Variants in SH3BGR observed in about 807,000 individuals in gnomAD.
SH3BGR encodes SH3 domain-binding glutamic acid-rich protein.
Under a neutral mutation model 24.5 loss-of-function variants are expected in SH3BGR, and 29 were observed. The observed-to-expected ratio is 1.18, with a 90% CI of 0.88 to 1.61. The LOEUF is 1.61. Ranked by LOEUF, SH3BGR falls within the 40% of genes most tolerant of loss-of-function variation. The pLI is 0.00. For missense variants in SH3BGR, 162 were observed against 205.8 expected (o/e 0.79, Z 1.30); for synonymous variants, 55 against 65.7 (o/e 0.84, Z 0.79).
chr21:39,466,936 G>A (rs534093874), intron 2 of SH3BGR, among the ~76,000 whole-genome samples: 8 of 151,188 alleles, frequency 5.3e-5, no homozygotes, highest in Middle Eastern at 3.4e-3. Context: ...AATTTTTTTT[G>A]TGTAGCCAAA....
upstream of SH3BGR, chr21:39,451,718 C>T (rs1354401145): frequency 6.9e-6 from 5 of 720,946 alleles, no homozygotes; most frequent in Non-Finnish European, 8.9e-6. Flanking sequence ...CGGGGCCCCA[C>T]CTCCCTTGGC....
At chr21:39,455,979 T>C (rs1008652453) in intron 1 of SH3BGR, among the ~76,000 whole-genome samples, 2 of 152,348 alleles carry the variant, frequency 1.3e-5, no homozygotes, top group South Asian at 4.1e-4. Flanking sequence ...ATTGCCTGTC[T>C]TGTGAAGCTT....
upstream of SH3BGR, chr21:39,451,757 T>G: frequency 1.0e-6 from 1 of 974,756 alleles, no homozygotes; most frequent in Non-Finnish European, 1.5e-6. Flanking sequence ...AGGTCTCCGA[T>G]TGGTGCACAG....
intron 5 of SH3BGR, 26 bp downstream of exon 5, chr21:39,509,053 GTGCTTAATC>G (rs1184560200): frequency 6.3e-7 from 1 of 1,587,276 alleles, no homozygotes; most frequent in Non-Finnish European, 8.6e-7. Flanking sequence ...TTTAACAGCT[GTGCTTAATC>G]TGCTTAATAA....
chr21:39,497,801 T>C (rs184662742), intron 3 of SH3BGR, among the ~76,000 whole-genome samples: 55 of 152,338 alleles, frequency 3.6e-4, no homozygotes, highest in African/African-American at 1.3e-3. Context: ...CTTCTCAACA[T>C]ATTGGTAAAC....
At chr21:39,452,198 G>T in intron 1 of SH3BGR, 57 bp downstream of exon 1, 4 of 1,608,288 alleles carry the variant, frequency 2.5e-6, no homozygotes, top group Non-Finnish European at 3.4e-6. Flanking sequence ...CTTAGGGTTG[G>T]AAATATGGCC....
chr21:39,478,172 A>G (rs755122939), intron 3 of SH3BGR, among the ~76,000 whole-genome samples: 2 of 152,216 alleles, frequency 1.3e-5, no homozygotes, highest in African/African-American at 4.8e-5. Flanking sequence ...TATTACATAT[A>G]TGATATTGGA....
chr21:39,448,819 T>C (rs182559361), upstream of SH3BGR, among the ~76,000 whole-genome samples: 1 of 152,348 alleles, frequency 6.6e-6, no homozygotes, highest in Admixed American at 6.5e-5. Context: ...CAACTTCAGC[T>C]GGAAAATTTC....
At chr21:39,485,280 T>C (rs1238300910) in intron 3 of SH3BGR, among the ~76,000 whole-genome samples, 1 of 152,220 alleles carries the variant, frequency 6.6e-6, no homozygotes, top group African/African-American at 2.4e-5. Flanking sequence ...TGCAAATAAG[T>C]ATATTGCCAA....
chr21:39,505,297 G>A (rs533439859), intron 4 of SH3BGR, among the ~76,000 whole-genome samples: 2 of 152,298 alleles, frequency 1.3e-5, no homozygotes, highest in East Asian at 3.9e-4. Flanking sequence ...CCCCCACAGA[G>A]CTTATGTTCT....
At chr21:39,497,266 T>C (rs1043903332) in intron 3 of SH3BGR, among the ~76,000 whole-genome samples, 5 of 151,324 alleles carry the variant, frequency 3.3e-5, no homozygotes, top group Admixed American at 6.6e-5. Context: ...ATATATAATC[T>C]GAATGTAATG....
intron 2 of SH3BGR, among the ~76,000 whole-genome samples, chr21:39,465,417 C>T (rs573872047): frequency 1.3e-5 from 2 of 152,276 alleles, no homozygotes; most frequent in African/African-American, 4.8e-5. Flanking sequence ...TTCTGTAGCT[C>T]GTCCTACTCT....
In SH3BGR at chr21:39,485,923, C is replaced by T. The variant is rs569373002; in HGVS notation, c.312+10708C>T. ...CAGGATGGTCTCGATCTCCTGACCT[C>T]GTGATCCGCCCGCCTCGGCCTCCCA... On this transcript the variant is annotated intron_variant, in intron 3 of 6. Transcript: ENST00000333634. 5.9e-5 allele frequency among the ~76,000 whole-genome samples: 9 copies of T among 152,170 alleles called. No individual in the cohort carries two copies. The East Asian group carries it at 9.7e-4, about 16-fold the overall frequency.
Position 39,511,738 on chromosome 21 carries a change from C to T in SH3BGR, c.494C>T (p.Ala165Val), listed in dbSNP as rs1435880930. Reference sequence around the variant, plus strand: ...GAAGCCGAGGAGGAGGAAGAAACTGCAGAAGGAGAAGAGCCTGGAGAAGAC... The same window carrying T: ...GAAGCCGAGGAGGAGGAAGAAACTGTAGAAGGAGAAGAGCCTGGAGAAGAC... ...EGEAEEEEET[A>V]EGEEPGEDED... Residue 165 changes from alanine to valine, a missense_variant, in exon 6 of 7, where the codon GCA becomes GTA. Ala to Val is a moderately conservative substitution (Grantham distance 64). Coordinates refer to ENST00000333634, the MANE Select transcript of SH3BGR (RefSeq NM_007341.3). The surrounding 1 kb of genome is among the most constrained non-coding windows in gnomAD (Gnocchi z 4.2). 6.4e-7 allele frequency: 1 copy of T among 1,556,232 alleles called. No homozygotes were observed. Among genetic ancestry groups the T allele is most frequent in the South Asian group, 1.1e-5 (1 of 89,202 alleles).
chr21:39,506,605 C>T (rs924453701), intron 4 of SH3BGR, among the ~76,000 whole-genome samples: 1 of 152,188 alleles, frequency 6.6e-6, no homozygotes, highest in Non-Finnish European at 1.5e-5. Flanking sequence ...AGGGCTTGTG[C>T]AGGGGAACTC....
chr21:39,483,175 G>T (rs2078158560), intron 3 of SH3BGR, among the ~76,000 whole-genome samples: 1 of 152,168 alleles, frequency 6.6e-6, no homozygotes, highest in Admixed American at 6.5e-5. Flanking sequence ...GTCTAAAGCT[G>T]CTTTAAGTTT....
intron 3 of SH3BGR, among the ~76,000 whole-genome samples, chr21:39,487,887 A>T (rs1048361684): frequency 6.6e-6 from 1 of 152,226 alleles, no homozygotes; most frequent in Admixed American, 6.5e-5. Context: ...AGGACAGGCG[A>T]CTTCACTTGA....
intron 5 of SH3BGR, among the ~76,000 whole-genome samples, chr21:39,509,566 CT>C (rs2078641208): frequency 6.7e-6 from 1 of 149,798 alleles, no homozygotes; most frequent in South Asian, 2.1e-4. Context: ...CCTCCGCTTC[CT>C]GGGTTCAAGC....
At chr21:39,455,297 G>A (rs2077636803) in intron 1 of SH3BGR, among the ~76,000 whole-genome samples, 1 of 152,166 alleles carries the variant, frequency 6.6e-6, no homozygotes, top group Admixed American at 6.5e-5. Flanking sequence ...AGGTCCCAAA[G>A]GCTCCAAACA....
Sources: gnomAD v4.1 joint callset for allele counts (sites outside exome capture counted in the v4.1 genomes callset) on GRCh38, gnomAD v4.1.1 for gene constraint, Gnocchi (gnomAD v3.1) non-coding constraint, MANE v1.5 for transcripts, NCBI Gene and HGNC (gene_info 2026-07-23, HGNC 2026-07-21) for gene names.